The following THSD4 variants were observed in gnomAD, a reference collection of about 807,000 sequenced individuals.
The protein encoded by THSD4 is thrombospondin type-1 domain-containing protein 4.
Under a neutral mutation model 119.0 loss-of-function variants are expected in THSD4, and 69 were observed. The ratio of observed to expected loss-of-function variants is 0.58; its 90% CI spans 0.48 to 0.71. The LOEUF is 0.71. Ranked by LOEUF, THSD4 falls within the 30% of genes least tolerant of loss-of-function variation. THSD4 has a pLI of 0.00. For missense variants in THSD4, 1,393 were observed against 1,391.1 expected (o/e 1.00, Z -0.02); for synonymous variants, 524 against 540.4 (o/e 0.97, Z 0.42).
chr15:71,682,887 T>C (rs139869609), intron 8 of THSD4, among the ~76,000 whole-genome samples: 2 of 5,924 alleles, frequency 3.4e-4, no homozygotes, highest in Non-Finnish European at 6.8e-4. Flanking sequence ...TTTCTTTCTT[T>C]CTTTCTTTCT....
At chr15:71,473,188 G>A (rs1303143815) in intron 7 of THSD4, among the ~76,000 whole-genome samples, 1 of 151,868 alleles carries the variant, frequency 6.6e-6, no homozygotes, top group African/African-American at 2.4e-5. Flanking sequence ...CTCCCAAGTG[G>A]CTGGGGCTAC....
chr15:71,102,464 A>T (rs1007835686), intron 1 of THSD4, among the ~76,000 whole-genome samples: 1 of 151,960 alleles, frequency 6.6e-6, no homozygotes, highest in African/African-American at 2.4e-5. Context: ...ATTTCTATTG[A>T]TCTATCTTTA....
At chr15:71,486,304 G>A (rs2047815823) in intron 7 of THSD4, among the ~76,000 whole-genome samples, 1 of 152,122 alleles carries the variant, frequency 6.6e-6, no homozygotes, top group Non-Finnish European at 1.5e-5. Flanking sequence ...GCTAGTTTGG[G>A]ATTCCACTTC....
chr15:71,764,986 T>G (rs530892812), intron 15 of THSD4, 34 bp from the exon 16 acceptor site: 1 of 1,597,564 alleles, frequency 6.3e-7, no homozygotes, highest in Non-Finnish European at 8.5e-7. Flanking sequence ...CTTTCCATCA[T>G]GTGACACTCA....
intron 3 of THSD4, among the ~76,000 whole-genome samples, chr15:71,199,708 G>GCA (rs2043768296): frequency 2.8e-4 from 27 of 97,386 alleles, no homozygotes; most frequent in African/African-American, 4.9e-4. Flanking sequence ...TGGTGTCTGG[G>GCA]TGTGTGGTGT....
intron 6 of THSD4, among the ~76,000 whole-genome samples, chr15:71,293,942 C>A (rs1478819468): frequency 6.6e-6 from 1 of 152,030 alleles, no homozygotes; most frequent in African/African-American, 2.4e-5. Context: ...GGGTGTGAGA[C>A]CACCGTGAAT....
intron 6 of THSD4, among the ~76,000 whole-genome samples, chr15:71,298,759 C>T (rs1352503946): frequency 3.3e-5 from 5 of 152,088 alleles, no homozygotes; most frequent in Non-Finnish European, 7.4e-5. Flanking sequence ...ACTACAGGCA[C>T]ACGCCGCCAC....
rs184851569 is a variant in THSD4, at chr15:71,230,171, G to A, written c.465-12478G>A. Among the ~76,000 whole-genome samples the A allele has an allele frequency of 4.9e-3, 749 of 152,214 alleles. 4 individuals are homozygous for A. The highest frequency in any genetic ancestry group is 9.1e-3 in the Non-Finnish European group (617 of 68,004). ...TAGGATCTCCATTTGCTTAGCACCT[G>A]CCCTGGTCAGGCACTGGACCCCACA... On this transcript the variant is annotated intron_variant, in intron 4 of 17. Transcript: ENST00000261862.
rs1216480454 is a variant in THSD4, at chr15:71,292,064, T to G, written c.1015+35349T>G. ...AAATGTGTTGATTGCACCCTAGACT[T>G]GACATAATTAAACCAGTTTTGGAAA... is the stretch of plus-strand genomic sequence containing the variant. On this transcript the variant is annotated intron_variant, in intron 6 of 17. Transcript: ENST00000261862. 2.6e-5 allele frequency among the ~76,000 whole-genome samples: 4 copies of G among 152,224 alleles called. No individual in the cohort carries two copies. In the East Asian group the frequency reaches 7.7e-4, roughly 29 times the overall value.
Position 71,777,980 on chromosome 15 carries a change from C to G in THSD4, c.*606C>G, listed in dbSNP as rs2053943972. ...CTCACAGATACTAGCTCCTTAGCAG[C>G]TCACAACATCCCAGAATGGGAGGCA... On this transcript the variant is annotated 3_prime_UTR_variant, in exon 18 of 18. Coordinates refer to ENST00000261862, the MANE Select transcript of THSD4 (RefSeq NM_024817.3). 1 of 152,664 alleles carries G rather than the reference C, an allele frequency of 6.6e-6. No homozygotes were observed. The highest frequency in any genetic ancestry group is 6.5e-5 in the Admixed American group (1 of 15,380). 9.5% of individuals were successfully genotyped at this position (152,664 alleles called of 1,614,324 possible).
chr15:71,222,335 G>C (rs889407958), intron 4 of THSD4, among the ~76,000 whole-genome samples: 4 of 152,182 alleles, frequency 2.6e-5, no homozygotes, highest in Non-Finnish European at 4.4e-5. Context: ...CCCGATATCA[G>C]GCAAGCTTTC....
In THSD4 at chr15:71,391,057, C is replaced by T. The variant is rs557705558; in HGVS notation, c.1016-20630C>T. Among the ~76,000 whole-genome samples the T allele has an allele frequency of 2.5e-4, 37 of 146,170 alleles. No homozygotes were observed. In the East Asian group the frequency reaches 7.1e-3, roughly 28 times the overall value. ...TTTTTTTTTTTTTCTGAGACCATGT[C>T]GCGCTCTGTCGCCCAGGCTGGAGTG... On this transcript the variant is annotated intron_variant, in intron 6 of 17. Transcript: ENST00000261862.
intron 8 of THSD4, among the ~76,000 whole-genome samples, chr15:71,711,821 T>G (rs2052522657): frequency 6.6e-6 from 1 of 152,004 alleles, no homozygotes; most frequent in African/African-American, 2.4e-5. Flanking sequence ...GCAGATTACA[T>G]GATAATAAAG....
intron 7 of THSD4, among the ~76,000 whole-genome samples, chr15:71,616,017 A>T (rs796184277): frequency 2.6e-5 from 4 of 152,334 alleles, no homozygotes; most frequent in African/African-American, 9.6e-5. Context: ...TCACAGCACA[A>T]CATCTGGCCC....
At position 71,528,880 on chromosome 15, in the gene THSD4, C is replaced by G. The variant is rs543844454; in HGVS notation, c.1152+117057C>G. Among the ~76,000 whole-genome samples the G allele has an allele frequency of 7.2e-4, 109 of 152,328 alleles. 1 individual carries two copies. Among genetic ancestry groups the G allele is most frequent in the African/African-American group, 2.5e-3 (102 of 41,578 alleles). On this transcript the variant is annotated intron_variant, in intron 7 of 17. Coordinates refer to ENST00000261862, the MANE Select transcript of THSD4 (RefSeq NM_024817.3). ...ATCCATGATCAATTTATTACTAATA[C>G]ACATCACACTTTCATATAACTTAGA...
Position 71,724,287 on chromosome 15 carries a change from A to ATATATATATATATATATATAT in THSD4, c.1358-4261_1358-4260insATATATATATATATATATATT. ...ATGGGATATATATATATATATATAT[A>ATATATATATATATATATATAT]TTTTTTTTTTCCCCCCAAGATGGAA... On this transcript the variant is annotated intron_variant, in intron 8 of 17. Transcript: ENST00000261862. 1.0e-3 allele frequency among the ~76,000 whole-genome samples: 38 copies of ATATATATATATATATATATAT among 37,270 alleles called. No individual in the cohort carries two copies. In the South Asian group the frequency reaches 0.01, roughly 10 times the overall value. 24.5% of individuals were successfully genotyped at this position (37,270 alleles called of 152,430 possible).
At chr15:71,632,943 C>T (rs771442789) in intron 7 of THSD4, among the ~76,000 whole-genome samples, 45 of 152,220 alleles carry the variant, frequency 3.0e-4, no homozygotes, top group Non-Finnish European at 5.1e-4. Context: ...TAACAAGTCT[C>T]CTAATCAACA....
At position 71,417,145 on chromosome 15, in the gene THSD4, G is replaced by C. The variant is rs2046769550; in HGVS notation, c.1152+5322G>C. 1.8e-5 allele frequency among the ~76,000 whole-genome samples: 2 copies of C among 108,470 alleles called. 1 individual carries two copies. Among genetic ancestry groups the C allele is most frequent in the Admixed American group, 2.4e-4 (2 of 8,360 alleles). 71.2% of individuals were successfully genotyped at this position (108,470 alleles called of 152,430 possible). A position where few individuals can be genotyped will look rare whatever the true frequency, so the allele number is the denominator to read the frequency against. On this transcript the variant is annotated intron_variant, in intron 7 of 17. Coordinates refer to ENST00000261862, the MANE Select transcript of THSD4 (RefSeq NM_024817.3). ...TATTTTGGTTATTAATCCCTTGTCA[G>C]ATGGGTAGTTTGCAAATATTTTCTC...
At chr15:71,358,720 A>G (rs1381699248) in intron 6 of THSD4, among the ~76,000 whole-genome samples, 2 of 152,330 alleles carry the variant, frequency 1.3e-5, no homozygotes, top group East Asian at 1.9e-4. Context: ...CTCAATTAGT[A>G]TCACTTAACA....
Sources: gnomAD v4.1 joint callset for allele counts (sites outside exome capture counted in the v4.1 genomes callset) on GRCh38, gnomAD v4.1.1 for gene constraint, MANE v1.5 for transcripts, NCBI Gene and HGNC (gene_info 2026-07-23, HGNC 2026-07-21) for gene names.